Variants in KCTD15 observed in about 807,000 individuals in gnomAD.
KCTD15 encodes BTB/POZ domain-containing protein KCTD15.
A neutral mutation model predicts 27.2 loss-of-function variants in KCTD15; 11 were observed. The ratio of observed to expected loss-of-function variants is 0.41; its 90% confidence interval spans 0.25 to 0.67. The LOEUF (loss-of-function observed/expected upper bound fraction) is 0.67, where lower values mean the gene tolerates loss of function less well. Ranked by LOEUF, KCTD15 falls within the 30% of genes least tolerant of loss-of-function variation. KCTD15 has a pLI of 0.35. For synonymous variants in KCTD15, 163 were observed against 176.0 expected (o/e 0.93, Z 0.58); for missense variants, 350 against 409.3 (o/e 0.86, Z 1.25).
At position 33,801,301 on chromosome 19, in the gene KCTD15, C is replaced by T. The variant is rs1241336481; in HGVS notation, c.201C>T (p.Tyr67=). The T allele has an allele frequency of 6.2e-7, 1 of 1,612,334 alleles. No homozygotes were observed. Among genetic ancestry groups the T allele is most frequent in the Non-Finnish European group, 8.5e-7 (1 of 1,179,260 alleles). Residue 67 remains tyrosine, a synonymous_variant, in exon 4 of 7, where the codon TAC becomes TAT. Coordinates refer to ENST00000683859, the MANE Select transcript of KCTD15 (RefSeq NM_001129994.2). ...ACATCGATGTGGGCGGCCACATGTA[C>T]ACCAGCAGCCTGGCCACGCTCACCA... ...PVHIDVGGHM[Y]TSSLATLTKY...
intron 4 of KCTD15, among the ~76,000 whole-genome samples, chr19:33,805,044 C>T (rs1975670676): frequency 6.6e-6 from 1 of 152,122 alleles, no homozygotes. Context: ...CCTCCCACCT[C>T]AGCCTCCCAA....
chr19:33,801,057 G>A, intron 3 of KCTD15, 110 bp from the exon 4 acceptor site: 1 of 1,048,512 alleles, frequency 9.5e-7, no homozygotes, highest in Non-Finnish European at 1.4e-6. Context: ...GAAGTGATCT[G>A]ATTAGATCTG....
rs1392455962 is a variant in KCTD15 at position 33,800,479 on chromosome 19, A to T, written c.25A>T (p.Ser9Cys). MPHRKERP[S>C]GSSLHTHGST... ...GATGCCTCACCGCAAGGAGCGGCCG[A>T]GCGGGTCCTCGCTTCACACACACGG... The change falls in exon 3 of 7, where the codon AGC becomes TGC. Residue 9 changes from serine to cysteine, a missense_variant. Ser to Cys is a moderately radical substitution (Grantham distance 112). Transcript: ENST00000683859. 6.2e-7 allele frequency: 1 copy of T among 1,606,006 alleles called. No individual in the cohort carries two copies. The highest frequency in any genetic ancestry group is 1.1e-5 in the South Asian group (1 of 88,886).
At chr19:33,812,051 T>A (rs917479700) in intron 6 of KCTD15, 8 of 1,395,494 alleles carry the variant, frequency 5.7e-6, no homozygotes, top group Non-Finnish European at 7.4e-6. Flanking sequence ...GAGGGCCTAT[T>A]TTCCAACAGC....
intron 5 of KCTD15, among the ~76,000 whole-genome samples, chr19:33,808,191 C>CTTCCTTCCTTCA (rs1975773386): frequency 1.3e-5 from 2 of 152,308 alleles, no homozygotes; most frequent in African/African-American, 4.8e-5. Context: ...AATGTCTGTC[C>CTTCCTTCCTTCA]TTCCTTCCTT....
Position 33,813,785 on chromosome 19 carries a change from A to G in KCTD15, c.*837A>G, listed in dbSNP as rs1184699251. ...GCACGTTACCTCAGGAATGGGCCCC[A>G]CCATGAAGGGGCCCATCTGTCAGCA... On this transcript the variant is annotated 3_prime_UTR_variant, in exon 7 of 7. Transcript: ENST00000683859. The G allele has an allele frequency of 1.3e-5, 2 of 157,482 alleles. No individual in the cohort carries two copies. The highest frequency in any genetic ancestry group is 2.4e-5 in the African/African-American group (1 of 41,474). 9.8% of individuals were successfully genotyped at this position (157,482 alleles called of 1,614,324 possible).
chr19:33,806,386 A>G (rs1329364283), intron 4 of KCTD15, among the ~76,000 whole-genome samples: 1 of 152,136 alleles, frequency 6.6e-6, no homozygotes, highest in African/African-American at 2.4e-5. Context: ...ACACTCGTTT[A>G]CATGGGTTGG....
At position 33,812,846 on chromosome 19, in the gene KCTD15, T is replaced by G; in HGVS notation, c.750T>G (p.Gly250=). 1 of 1,535,530 alleles carries G rather than the reference T, an allele frequency of 6.5e-7. No individual in the cohort carries two copies. ...GCGTGGCTGCGTCCTGTGGGGGCGG[T>G]GTGGACTCCTCCCAGTTCAGCGAGT... ...GFSVAASCGG[G]VDSSQFSEYV... The change falls in exon 7 of 7, where the codon GGT becomes GGG. Residue 250 remains glycine, a synonymous_variant. Coordinates refer to ENST00000683859, the MANE Select transcript of KCTD15 (RefSeq NM_001129994.2).
intron 5 of KCTD15, among the ~76,000 whole-genome samples, chr19:33,810,698 CG>C (rs1568382469): frequency 6.1e-5 from 9 of 146,358 alleles, no homozygotes; most frequent in African/African-American, 2.3e-4. Context: ...CAAAAAAAAA[CG>C]AAAAAAAAAC....
At chr19:33,811,187 CCCT>C in intron 5 of KCTD15, 57 bp from the exon 6 acceptor site, 2 of 1,058,616 alleles carry the variant, frequency 1.9e-6, no homozygotes, top group Non-Finnish European at 1.3e-6. Context: ...TCCCCTCTCC[CCCT>C]TCCCCCACCA....
rs760861168 is a variant in KCTD15, at chr19:33,811,444, C to T, written c.585C>T (p.Pro195=). 7.4e-6 allele frequency: 12 copies of T among 1,612,656 alleles called. No homozygotes were observed. Among genetic ancestry groups the T allele is most frequent in the South Asian group, 2.2e-5 (2 of 91,034 alleles). ...AGGCCCTCATCGAGGAGGTCTTCCC[C>T]GAGACCGGAGACGTCATGTGCAACT... The part of the protein sequence containing the change: ...GEKALIEEVF[P]ETGDVMCNSV... The change falls in exon 6 of 7, where the codon CCC becomes CCT. Residue 195 remains proline (P), a synonymous_variant. Coordinates refer to ENST00000683859, the MANE Select transcript of KCTD15 (RefSeq NM_001129994.2).
chr19:33,801,998 G>A (rs1057137374), intron 4 of KCTD15, among the ~76,000 whole-genome samples: 1 of 152,200 alleles, frequency 6.6e-6, no homozygotes, highest in African/African-American at 2.4e-5. Flanking sequence ...GGGCTCACAG[G>A]CACCCTCCAT....
intron 3 of KCTD15, among the ~76,000 whole-genome samples, chr19:33,800,866 A>G (rs902077960): frequency 6.6e-6 from 1 of 152,144 alleles, no homozygotes; most frequent in Non-Finnish European, 1.5e-5. Flanking sequence ...TTTAATTAGA[A>G]TTTTGCAGTT....
intron 6 of KCTD15, chr19:33,812,299 G>C: frequency 9.9e-7 from 1 of 1,014,826 alleles, no homozygotes; most frequent in Non-Finnish European, 1.2e-6. Context: ...TCTCCCTCCA[G>C]AGCTCCCACG....
Position 33,812,961 on chromosome 19 carries a change from T to G in KCTD15, c.*13T>G. 2.6e-6 allele frequency: 4 copies of G among 1,536,518 alleles called. No homozygotes were observed. The highest frequency in any genetic ancestry group is 1.2e-5 in the South Asian group (1 of 82,668). ...ACCCCTGGACTAGGCCCTGCTTCAG[T>G]GCCCACCTGGGCCCCCCCAGGGACC... On this transcript the variant is annotated 3_prime_UTR_variant, in exon 7 of 7. Transcript: ENST00000683859.
At chr19:33,803,613 G>A (rs934425517) in intron 4 of KCTD15, among the ~76,000 whole-genome samples, 2 of 152,024 alleles carry the variant, frequency 1.3e-5, no homozygotes, top group Non-Finnish European at 2.9e-5. Context: ...CTGCCTAGGA[G>A]CAGTCACTGG....
At chr19:33,809,472 A>C (rs1599685372) in intron 5 of KCTD15, among the ~76,000 whole-genome samples, 1 of 151,858 alleles carries the variant, frequency 6.6e-6, no homozygotes. Flanking sequence ...AGGCTGTGGG[A>C]GTGGGGTTTC....
Position 33,811,524 on chromosome 19 carries a change from A to G in KCTD15, c.665A>G (p.Asn222Ser), listed in dbSNP as rs772136433. Reference sequence around the variant, plus strand: ...ACGCACGTCATCCGCTTCCCGCTCAATGGCTACTGCCGGCTCAACTCGGTA... The same window carrying G: ...ACGCACGTCATCCGCTTCCCGCTCAGTGGCTACTGCCGGCTCAACTCGGTA... ...DPTHVIRFPL[N>S]GYCRLNSVQV... The change falls in exon 6 of 7, where the codon AAT (asparagine) becomes AGT (serine). Residue 222 changes from asparagine (N) to serine (S), a missense_variant. Asn to Ser is a conservative substitution (Grantham distance 46). This residue lies in a region of KCTD15 where 219 missense variants were observed against 234.9 expected (regional missense o/e 0.93). Coordinates refer to ENST00000683859, the MANE Select transcript of KCTD15 (RefSeq NM_001129994.2). 6.2e-7 allele frequency: 1 copy of G among 1,608,812 alleles called. No individual in the cohort carries two copies. Among genetic ancestry groups the G allele is most frequent in the South Asian group, 1.1e-5 (1 of 90,900 alleles).
intron 5 of KCTD15, among the ~76,000 whole-genome samples, chr19:33,809,509 G>C (rs982919787): frequency 6.6e-6 from 1 of 152,032 alleles, no homozygotes; most frequent in Non-Finnish European, 1.5e-5. Context: ...AGCTGGTGGG[G>C]CATCAGATGG....
Sources: allele counts gnomAD v4.1 joint callset (sites outside exome capture counted in the v4.1 genomes callset), GRCh38; gene constraint gnomAD v4.1.1; regional missense constraint gnomAD v4.1.1; transcripts MANE v1.5; gene names NCBI Gene and HGNC (gene_info 2026-07-23, HGNC 2026-07-21).